The following MCM9 variants were observed in gnomAD, a reference collection of about 807,000 sequenced individuals.
MCM9 encodes minichromosome maintenance 9 homologous recombination repair factor.
Under a neutral mutation model 72.8 loss-of-function variants are expected in MCM9, and 55 were observed. That is an observed-to-expected ratio of 0.76 (90% CI 0.61 to 0.95). MCM9 has a LOEUF of 0.95. MCM9 is among the 40% of genes least tolerant of loss of function. The pLI, the probability that MCM9 is intolerant of heterozygous loss-of-function variation, is 0.00. For missense variants in MCM9, 1,279 were observed against 1,377.0 expected, an observed-to-expected ratio of 0.93 and a Z score of 1.13; for synonymous variants, 480 against 503.4, an observed-to-expected ratio of 0.95 and a Z score of 0.62.
At chr6:118,819,126 G>T (rs947650856) in intron 13 of MCM9, among the ~76,000 whole-genome samples, 6 of 152,134 alleles carry the variant, frequency 3.9e-5, no homozygotes, top group Non-Finnish European at 7.3e-5. Context: ...TCTCTTGCCT[G>T]ATTGCTCTGG....
intron 8 of MCM9, among the ~76,000 whole-genome samples, chr6:118,880,076 AAAAG>A (rs1362303964): frequency 6.6e-6 from 1 of 152,060 alleles, no homozygotes; most frequent in Non-Finnish European, 1.5e-5. Context: ...AAAGAAAAGA[AAAAG>A]AAAGAATAAA....
rs899395677 is a variant in MCM9 at position 118,894,656 on chromosome 6, G to GA, written c.1150+16993dup. The GA allele has an allele frequency of 5.3e-6, 4 of 757,554 alleles. No individual in the cohort carries two copies. In the African/African-American group the frequency reaches 7.2e-5, roughly 14 times the overall value. 46.9% of individuals were successfully genotyped at this position (757,554 alleles called of 1,614,324 possible). A position where few individuals can be genotyped will look rare whatever the true frequency, so the allele number is the denominator to read the frequency against. ...CGGGCTGCTCTGCGGAGGGAAACTT[G>GA]AAGTTGATGGACGACGGCCGCCGAG... On this transcript the variant is annotated intron_variant, in intron 8 of 13. Transcript: ENST00000619706.
chr6:118,820,263 C>T (rs111698664), intron 13 of MCM9, among the ~76,000 whole-genome samples: 4 of 152,256 alleles, frequency 2.6e-5, no homozygotes, highest in African/African-American at 9.6e-5. Context: ...GCGTTTAGTG[C>T]TATAAATTTC....
intron 3 of MCM9, among the ~76,000 whole-genome samples, chr6:118,928,881 T>C (rs1404028483): frequency 6.6e-6 from 1 of 151,312 alleles, no homozygotes; most frequent in East Asian, 1.9e-4. Flanking sequence ...TTCATACATG[T>C]AAAGTTTCTG....
intron 9 of MCM9, among the ~76,000 whole-genome samples, chr6:118,833,452 C>T (rs1031500201): frequency 2.6e-5 from 4 of 152,070 alleles, no homozygotes; most frequent in African/African-American, 9.7e-5. Context: ...GGTAAGGTAG[C>T]CACTGTTAAG....
In MCM9 at chr6:118,923,985, T is replaced by C. The variant is rs757582386; in HGVS notation, c.447A>G (p.Lys149=). 6.2e-7 allele frequency: 1 copy of C among 1,614,188 alleles called. No homozygotes were observed. The highest frequency in any genetic ancestry group is 1.7e-5 in the Admixed American group (1 of 60,010). Residue 149 remains lysine, a synonymous_variant, in exon 4 of 14, where the codon AAA becomes AAG. Coordinates refer to ENST00000619706, the MANE Select transcript of MCM9 (RefSeq NM_017696.3). ...CCTTGATCACAAACACATGCTTGCATTTGTTACACATGTAATCCCGCTCAA... is the reference window on the plus strand; with the variant it reads ...CCTTGATCACAAACACATGCTTGCACTTGTTACACATGTAATCCCGCTCAA... The part of the protein sequence containing the change: ...LEFERDYMCN[K]CKHVFVIKAD...
At position 118,823,477 on chromosome 6, in the gene MCM9, G is replaced by A. The variant is rs141659258; in HGVS notation, c.1961+2670C>T. Among the ~76,000 whole-genome samples the A allele has an allele frequency of 5.3e-4, 81 of 152,306 alleles. 1 individual carries two copies. In the East Asian group the frequency reaches 0.015, roughly 28 times the overall value. On this transcript the variant is annotated intron_variant, in intron 13 of 13. Coordinates refer to ENST00000619706, the MANE Select transcript of MCM9 (RefSeq NM_017696.3). The stretch of plus-strand genomic sequence containing the variant: ...TGAACTGGGTACCTCAGCTGGAAAC[G>A]CAGAAATCACCTGCCTTCTGCATTG...
chr6:118,867,744 C>CA (rs1381076975), intron 8 of MCM9, among the ~76,000 whole-genome samples: 2 of 152,014 alleles, frequency 1.3e-5, no homozygotes, highest in African/African-American at 2.4e-5. Flanking sequence ...CATACAATGA[C>CA]AAAATCACCT....
chr6:118,923,686 G>A, intron 4 of MCM9, 125 bp downstream of exon 4: 2 of 820,064 alleles, frequency 2.4e-6, no homozygotes, highest in South Asian at 3.5e-5. Context: ...TTTCGAGCTT[G>A]ATCTTCCACA....
At position 118,814,998 on chromosome 6, in the gene MCM9, TG is replaced by T; in HGVS notation, c.3257del (p.Pro1086GlnfsTer28). 1 of 1,550,492 alleles carries T rather than the reference TG, an allele frequency of 6.4e-7. No homozygotes were observed. Among genetic ancestry groups the T allele is most frequent in the Non-Finnish European group, 8.7e-7 (1 of 1,146,926 alleles). On this transcript the variant is annotated frameshift_variant, in exon 14 of 14. Coordinates refer to ENST00000619706, the MANE Select transcript of MCM9 (RefSeq NM_017696.3). LOFTEE classifies it low-confidence loss of function (END_TRUNC). ...GAGCTGTGGTTGTAGGAGGGGAGCT[TG>T]GGCCTCTCTCACCTCGGTTCTTCCT... ...PERKNRGERG[P>X]SSPPTTTAPM... is the part of the protein sequence containing the mutation.
intron 11 of MCM9, 25 bp downstream of exon 11, chr6:118,827,902 G>A (rs954931365): frequency 1.3e-6 from 2 of 1,543,732 alleles, no homozygotes; most frequent in African/African-American, 1.4e-5. Context: ...TTCAATACAA[G>A]CATCATTCGC....
At chr6:118,919,022 A>C (rs531754223) in intron 5 of MCM9, 1 of 152,344 alleles carries the variant, frequency 6.6e-6, no homozygotes, top group East Asian at 1.9e-4. Context: ...ATGATTTTCA[A>C]ACCCAATCAG....
At chr6:118,875,833 C>T (rs1398041514) in intron 8 of MCM9, among the ~76,000 whole-genome samples, 1 of 152,042 alleles carries the variant, frequency 6.6e-6, no homozygotes, top group African/African-American at 2.4e-5. Flanking sequence ...CAGTTTCTAA[C>T]AAAAGCAAAC....
At chr6:118,898,432 T>TG (rs1779584013) in intron 8 of MCM9, among the ~76,000 whole-genome samples, 1 of 151,768 alleles carries the variant, frequency 6.6e-6, no homozygotes, top group East Asian at 1.9e-4. Context: ...ATAATTTTTT[T>TG]TTTTTTTTTT....
intron 9 of MCM9, among the ~76,000 whole-genome samples, chr6:118,830,782 G>A (rs1452744661): frequency 6.6e-6 from 1 of 152,136 alleles, no homozygotes; most frequent in African/African-American, 2.4e-5. Flanking sequence ...AATATTTATA[G>A]ACCATTTCCT....
chr6:118,934,430 G>C (rs1782718866), intron 1 of MCM9: 1 of 152,160 alleles, frequency 6.6e-6, no homozygotes, highest in Admixed American at 6.5e-5. Context: ...AAAGAAGACA[G>C]GAGAGTGCCT....
At chr6:118,838,547 CCT>C (rs1039525612) in intron 9 of MCM9, among the ~76,000 whole-genome samples, 42 of 152,036 alleles carry the variant, frequency 2.8e-4, no homozygotes, top group African/African-American at 9.9e-4. Flanking sequence ...GCCTCAGCCC[CCT>C]GAGTAGCTGG....
chr6:118,910,136 G>A (rs1329326024), intron 8 of MCM9, among the ~76,000 whole-genome samples: 193 of 129,782 alleles, frequency 1.5e-3, no homozygotes, highest in African/African-American at 5.2e-3. Flanking sequence ...AAAAAAAAAA[G>A]ACTCCATAAC....
At chr6:118,891,610 C>T (rs1278245338) in intron 8 of MCM9, among the ~76,000 whole-genome samples, 1 of 152,036 alleles carries the variant, frequency 6.6e-6, no homozygotes, top group Non-Finnish European at 1.5e-5. Flanking sequence ...CTTGTGAGGA[C>T]GCCAGCTAGA....
Sources: allele counts gnomAD v4.1 joint callset (sites outside exome capture counted in the v4.1 genomes callset), GRCh38; gene constraint gnomAD v4.1.1; transcripts MANE v1.5; gene names NCBI Gene and HGNC (gene_info 2026-07-23, HGNC 2026-07-21).